The following ABCC11 variants were observed in gnomAD, a reference collection of about 807,000 sequenced individuals.
The protein encoded by ABCC11 is ATP binding cassette subfamily C member 11, also known as ATP-binding cassette sub-family C member 11.
ABCC11 carries 135 observed loss-of-function variants against 149.3 expected under a neutral mutation model. The ratio of observed to expected loss-of-function variants is 0.90; its 90% CI spans 0.79 to 1.04. The LOEUF is 1.04. ABCC11 is among the 50% of genes least tolerant of loss of function. The pLI, the probability that ABCC11 is intolerant of heterozygous loss-of-function variation, is 0.00. For synonymous variants in ABCC11, 665 were observed against 671.4 expected (o/e 0.99, Z 0.15); for missense variants, 1,680 against 1,722.1 (o/e 0.98, Z 0.43).
chr16:48,242,041 A>T (rs1044051912), intron 1 of ABCC11, among the ~76,000 whole-genome samples: 1 of 152,264 alleles, frequency 6.6e-6, no homozygotes, highest in African/African-American at 2.4e-5. Flanking sequence ...CAAAATTGAC[A>T]AATGGGATCT....
At chr16:48,215,051 C>A in intron 8 of ABCC11, 22 bp from the exon 9 acceptor site, 1 of 1,611,752 alleles carries the variant, frequency 6.2e-7, no homozygotes, top group Non-Finnish European at 8.5e-7. Flanking sequence ...AAAAGAAATA[C>A]ACCAAAGATA....
chr16:48,173,582 C>G (rs573238669), intron 26 of ABCC11, among the ~76,000 whole-genome samples: 138 of 152,276 alleles, frequency 9.1e-4, no homozygotes, highest in Admixed American at 1.6e-3. Flanking sequence ...CACTAAATGT[C>G]TTATCATTCC....
At chr16:48,240,850 G>C (rs1970931382) in intron 1 of ABCC11, among the ~76,000 whole-genome samples, 1 of 152,044 alleles carries the variant, frequency 6.6e-6, no homozygotes, top group South Asian at 2.1e-4. Flanking sequence ...AAATCTGGCA[G>C]ATACCACCTT....
chr16:48,207,045 G>A (rs985811377), intron 12 of ABCC11, among the ~76,000 whole-genome samples: 1 of 152,120 alleles, frequency 6.6e-6, no homozygotes, highest in East Asian at 1.9e-4. Context: ...GAGAGAGCTG[G>A]CTTTGGTAAC....
In ABCC11 at chr16:48,200,234, G is replaced by A. The variant is rs112186132; in HGVS notation, c.2082+42C>T. On this transcript the variant is annotated intron_variant, in intron 15 of 29. Transcript: ENST00000356608. The stretch of plus-strand genomic sequence containing the variant: ...AAATGGCAAAGGCTTGAGGATCTAC[G>A]TTATCCGTCAATCACAGTCAGAGCC... The A allele has an allele frequency of 4.3e-5, 68 of 1,585,832 alleles. No homozygotes were observed. In the African/African-American group the frequency reaches 4.3e-4, roughly 10 times the overall value.
chr16:48,208,615 C>A, intron 11 of ABCC11, 119 bp from the exon 12 acceptor site: 2 of 1,094,458 alleles, frequency 1.8e-6, no homozygotes, highest in Admixed American at 2.2e-5. Flanking sequence ...AATAACCACA[C>A]AGAGCCCAAG....
At chr16:48,208,597 G>A in intron 11 of ABCC11, 101 bp from the exon 12 acceptor site, 1 of 1,294,046 alleles carries the variant, frequency 7.7e-7, no homozygotes. Context: ...ACAACACACA[G>A]AAAACAAAAT....
At chr16:48,188,811 C>G (rs1335743852) in intron 20 of ABCC11, among the ~76,000 whole-genome samples, 1 of 152,170 alleles carries the variant, frequency 6.6e-6, no homozygotes, top group African/African-American at 2.4e-5. Context: ...AAATGACCAC[C>G]TACATTTCCC....
Position 48,175,630 on chromosome 16 carries a change from C to T in ABCC11, c.3539-213G>A, listed in dbSNP as rs145225376. 4.2e-3 allele frequency among the ~76,000 whole-genome samples: 640 copies of T among 152,310 alleles called. 6 individuals are homozygous for T. Among genetic ancestry groups the T allele is most frequent in the African/African-American group, 0.015 (610 of 41,554 alleles). ...GTTACAGCCTAGATCAGAGGGCACA[C>T]GTGGGGCCCCTGGATCAAAGCCAGC... On this transcript the variant is annotated intron_variant, in intron 25 of 29. Coordinates refer to ENST00000356608, the MANE Select transcript of ABCC11 (RefSeq NM_001370497.1).
Position 48,175,343 on chromosome 16 carries a change from C to T in ABCC11, c.3613G>A (p.Asp1205Asn). The T allele has an allele frequency of 6.2e-7, 1 of 1,614,162 alleles. No individual in the cohort carries two copies. Among genetic ancestry groups the T allele is most frequent in the Non-Finnish European group, 8.5e-7 (1 of 1,179,986 alleles). The change falls in exon 26 of 30, where the codon GAC (aspartate) becomes AAC (asparagine). Residue 1205 changes from aspartate (D) to asparagine (N), a missense_variant. Coordinates refer to ENST00000356608, the MANE Select transcript of ABCC11 (RefSeq NM_001370497.1). ...MAGRILIDGVDICSIGLEDLR... is the reference protein window; with the variant it reads ...MAGRILIDGVNICSIGLEDLR... ...TCCTCCAGGCCGATGCTGCAAATGT[C>T]CACGCCGTCAATGAGAATCCGGCCT...
At chr16:48,192,988 C>A (rs955655471) in intron 19 of ABCC11, among the ~76,000 whole-genome samples, 1 of 152,166 alleles carries the variant, frequency 6.6e-6, no homozygotes, top group South Asian at 2.1e-4. Context: ...AGCTTGGGAA[C>A]GTGATTTCCC....
chr16:48,244,329 G>A, intron 1 of ABCC11: 4 of 1,292,182 alleles, frequency 3.1e-6, no homozygotes, highest in Non-Finnish European at 4.1e-6. Context: ...TGCGGGGCAG[G>A]CCGGGGGCAG....
chr16:48,184,513 G>A lies in ABCC11; in HGVS notation c.3185C>T (p.Ala1062Val), dbSNP rs893760233. Residue 1062 changes from alanine (A) to valine (V), a missense_variant, in exon 23 of 30, where the codon GCC (alanine) becomes GTC (valine). Transcript: ENST00000356608. ...IMTNLVTLAV[A>V]LFVAFGISST... ...GGAAATGCCAAAAGCCACGAACAGG[G>A]CAACAGCCAAGGTCACAAGGTTGGT... 9.9e-6 allele frequency: 16 copies of A among 1,614,208 alleles called. No homozygotes were observed. The highest frequency in any genetic ancestry group is 1.4e-5 in the Non-Finnish European group (16 of 1,180,042).
intron 4 of ABCC11, among the ~76,000 whole-genome samples, chr16:48,224,996 C>T (rs1007851632): frequency 2.0e-5 from 3 of 151,846 alleles, no homozygotes; most frequent in Non-Finnish European, 4.4e-5. Context: ...GCACTCCAGC[C>T]TGGGTGACAG....
chr16:48,200,371 C>A lies in ABCC11; in HGVS notation c.1987G>T (p.Ala663Ser), dbSNP rs201236247. The change falls in exon 15 of 30, where the codon GCT (alanine) becomes TCT (serine). Residue 663 changes from alanine (A) to serine (S), a missense_variant. Ala to Ser is a moderately conservative substitution (Grantham distance 99, BLOSUM62 1). Transcript: ENST00000356608. ...TGCTTCCCCACGTGGGCGTCCACAG[C>A]AGACAGGGGGTCGTCCAGCAGGTAG... is the stretch of plus-strand genomic sequence containing the variant. ...QIYLLDDPLS[A>S]VDAHVGKHIF... 1.1e-5 allele frequency: 18 copies of A among 1,614,276 alleles called. No individual in the cohort carries two copies. Among genetic ancestry groups the A allele is most frequent in the Non-Finnish European group, 1.5e-5 (18 of 1,180,048 alleles).
intron 1 of ABCC11, among the ~76,000 whole-genome samples, chr16:48,240,885 G>C (rs1244559498): frequency 1.3e-5 from 2 of 151,788 alleles, no homozygotes; most frequent in Non-Finnish European, 2.9e-5. Context: ...GATTCAAATC[G>C]TCATTAATAA....
Position 48,216,228 on chromosome 16 carries a change from G to A in ABCC11, c.837C>T (p.Pro279=). 6.2e-7 allele frequency: 1 copy of A among 1,614,100 alleles called. No individual in the cohort carries two copies. Among genetic ancestry groups the A allele is most frequent in the Non-Finnish European group, 8.5e-7 (1 of 1,180,002 alleles). ...GCGATGCGCAGGTGATCAGTACTAG[G>A]GGTCCATAGCACACCCCTTCAAACA... The part of the protein sequence containing the change: ...NYLFEGVCYG[P]LVLITCASLV... The change falls in exon 7 of 30, where the codon CCC becomes CCT. Residue 279 remains proline (P), a synonymous_variant. Coordinates refer to ENST00000356608, the MANE Select transcript of ABCC11 (RefSeq NM_001370497.1).
At chr16:48,230,299 G>A in intron 3 of ABCC11, 138 bp downstream of exon 3, 1 of 1,017,438 alleles carries the variant, frequency 9.8e-7, no homozygotes. Context: ...CCTCCCTGGT[G>A]TGCCTCAGGC....
intron 1 of ABCC11, among the ~76,000 whole-genome samples, chr16:48,246,331 A>G (rs2150955184): frequency 6.6e-6 from 1 of 152,338 alleles, no homozygotes; most frequent in Middle Eastern, 3.4e-3. Context: ...GTTTCCCAAC[A>G]TACGACTCTG....
Sources: gnomAD v4.1 joint callset for allele counts (sites outside exome capture counted in the v4.1 genomes callset) on GRCh38, gnomAD v4.1.1 for gene constraint, MANE v1.5 for transcripts, NCBI Gene and HGNC (gene_info 2026-07-23, HGNC 2026-07-21) for gene names.